The following FSTL4 variants were observed in gnomAD, a reference collection of about 807,000 sequenced individuals.
FSTL4 encodes the protein follistatin-related protein 4.
A neutral mutation model predicts 78.2 loss-of-function variants in FSTL4; 28 were observed. The ratio of observed to expected loss-of-function variants is 0.36; its 90% CI spans 0.27 to 0.49. The LOEUF is 0.49. Ranked by LOEUF, FSTL4 falls within the 20% of genes least tolerant of loss-of-function variation. The pLI, the probability that FSTL4 is intolerant of heterozygous loss-of-function variation, is 0.98. For missense variants in FSTL4, 922 were observed against 1,084.9 expected (o/e 0.85, Z 2.11); for synonymous variants, 422 against 440.5 (o/e 0.96, Z 0.53).
the FSTL4 span, among the ~76,000 whole-genome samples, chr5:133,640,794 G>A: frequency 3.3e-5 from 5 of 152,298 alleles, no homozygotes; most frequent in East Asian, 3.9e-4. Context: ...ACCATTGGCC[G>A]CTGGGCAAAG....
chr5:133,652,616 A>G, the FSTL4 span, among the ~76,000 whole-genome samples: 3 of 152,278 alleles, frequency 2.0e-5, no homozygotes, highest in Admixed American at 2.0e-4. Flanking sequence ...TTGTGGTCTG[A>G]GAGCAGACAT....
chr5:133,593,939 C>T (rs1760689557), intron 2 of FSTL4, among the ~76,000 whole-genome samples: 1 of 145,462 alleles, frequency 6.9e-6, no homozygotes, highest in Non-Finnish European at 1.5e-5. Context: ...GATAGAATCA[C>T]AAATCCCATT....
chr5:133,288,797 A>G (rs1006682624), intron 6 of FSTL4, among the ~76,000 whole-genome samples: 2 of 152,340 alleles, frequency 1.3e-5, no homozygotes, highest in Middle Eastern at 3.4e-3. Flanking sequence ...ACAGCTGGAC[A>G]GCGCTGGAGG....
At chr5:133,268,004 C>T (rs547339589) in intron 6 of FSTL4, among the ~76,000 whole-genome samples, 2 of 152,258 alleles carry the variant, frequency 1.3e-5, no homozygotes, top group Admixed American at 1.3e-4. Context: ...AGCCATTTAA[C>T]TGAAATTTTA....
At chr5:133,459,296 G>A (rs569069049) in intron 3 of FSTL4, among the ~76,000 whole-genome samples, 12 of 151,884 alleles carry the variant, frequency 7.9e-5, no homozygotes, top group Admixed American at 2.6e-4. Flanking sequence ...CCTGGGGTCC[G>A]TGCAGGGCAG....
At chr5:133,678,971 G>T in the FSTL4 span, among the ~76,000 whole-genome samples, 1 of 152,088 alleles carries the variant, frequency 6.6e-6, no homozygotes. Context: ...TGTCGATCAG[G>T]GATCTCATTT....
intron 3 of FSTL4, among the ~76,000 whole-genome samples, chr5:133,527,721 T>C (rs1286615071): frequency 6.6e-6 from 1 of 152,204 alleles, no homozygotes; most frequent in African/African-American, 2.4e-5. Flanking sequence ...TTTGGAAACA[T>C]GAAGGTGAAG....
chr5:133,693,345 A>G, the FSTL4 span, among the ~76,000 whole-genome samples: 1 of 152,230 alleles, frequency 6.6e-6, no homozygotes, highest in Non-Finnish European at 1.5e-5. Context: ...AACTATAATC[A>G]TCACACTTTA....
chr5:133,793,549 C>T, the FSTL4 span, among the ~76,000 whole-genome samples: 1 of 152,260 alleles, frequency 6.6e-6, no homozygotes, highest in Non-Finnish European at 1.5e-5. Context: ...CATGGCAGCG[C>T]CAGGACTAGA....
chr5:133,386,589 G>A (rs1020665294), intron 4 of FSTL4, among the ~76,000 whole-genome samples: 5 of 152,158 alleles, frequency 3.3e-5, no homozygotes, highest in African/African-American at 1.2e-4. Flanking sequence ...AACCACAAAA[G>A]TTTTTAATAT....
intron 3 of FSTL4, among the ~76,000 whole-genome samples, chr5:133,559,336 C>T (rs1391398162): frequency 6.6e-6 from 1 of 152,186 alleles, no homozygotes; most frequent in Non-Finnish European, 1.5e-5. Context: ...AAAGAAATGC[C>T]TCTGGCTTGG....
intron 6 of FSTL4, among the ~76,000 whole-genome samples, chr5:133,289,056 C>T (rs1007049172): frequency 6.6e-6 from 1 of 152,162 alleles, no homozygotes; most frequent in African/African-American, 2.4e-5. Flanking sequence ...GTGTATGCCC[C>T]TCTTTCATGC....
At chr5:133,200,796 A>G (rs1750296470) in intron 15 of FSTL4, among the ~76,000 whole-genome samples, 2 of 152,146 alleles carry the variant, frequency 1.3e-5, no homozygotes, top group South Asian at 4.1e-4. Flanking sequence ...GAAAAACTGT[A>G]CCCCAGAGTA....
chr5:133,454,024 T>C (rs1168198257), intron 3 of FSTL4, among the ~76,000 whole-genome samples: 1 of 152,340 alleles, frequency 6.6e-6, no homozygotes, highest in Middle Eastern at 3.4e-3. Context: ...CGAGTTTTAA[T>C]TTATTTATCT....
At chr5:133,545,991 T>C (rs900134611) in intron 3 of FSTL4, among the ~76,000 whole-genome samples, 1 of 152,266 alleles carries the variant, frequency 6.6e-6, no homozygotes, top group African/African-American at 2.4e-5. Context: ...ATTGTGTTCA[T>C]GCCCTAGGGC....
intron 14 of FSTL4, chr5:133,209,968 T>G: frequency 7.0e-6 from 3 of 425,612 alleles, no homozygotes; most frequent in Non-Finnish European, 1.3e-5. Flanking sequence ...CACATTCTGA[T>G]TGTTGTGATG....
At chr5:133,798,282 G>A in the FSTL4 span, among the ~76,000 whole-genome samples, 1 of 152,154 alleles carries the variant, frequency 6.6e-6, no homozygotes, top group Non-Finnish European at 1.5e-5. Context: ...TAGAGGTTTG[G>A]AATGTTATAA....
At chr5:133,647,376 C>T in the FSTL4 span, among the ~76,000 whole-genome samples, 6,145 of 152,238 alleles carry the variant, frequency 0.04, 149 homozygotes, top group Middle Eastern at 0.075. Flanking sequence ...GAGAAAGTGG[C>T]CCTGAGAAGG....
chr5:133,479,490 G>A (rs965460089), intron 3 of FSTL4, among the ~76,000 whole-genome samples: 4 of 152,246 alleles, frequency 2.6e-5, no homozygotes, highest in Non-Finnish European at 4.4e-5. Flanking sequence ...TGCACAAAAT[G>A]TGGCACATGT....
Sources: gnomAD v4.1 joint callset for allele counts (sites outside exome capture counted in the v4.1 genomes callset) on GRCh38, gnomAD v4.1.1 for gene constraint, MANE v1.5 for transcripts, NCBI Gene and HGNC (gene_info 2026-07-23, HGNC 2026-07-21) for gene names.